Variants in CD200 observed in about 807,000 individuals in gnomAD.
CD200 encodes the protein CD200 molecule, also known as OX-2 membrane glycoprotein.
A neutral mutation model predicts 30.9 loss-of-function variants in CD200; 15 were observed. That is an observed-to-expected ratio of 0.49 (90% CI 0.32 to 0.75). CD200 has a LOEUF of 0.75. Among genes scored for constraint, CD200 ranks in the 30% least tolerant of loss-of-function variants. CD200 has a pLI of 0.03. For missense variants in CD200, 262 were observed against 324.2 expected, an observed-to-expected ratio of 0.81 and a Z score of 1.47; for synonymous variants, 134 against 126.2, an observed-to-expected ratio of 1.06 and a Z score of -0.41.
intron 5 of CD200, among the ~76,000 whole-genome samples, chr3:112,360,450 G>GA (rs1382216125): frequency 6.6e-6 from 1 of 151,928 alleles, no homozygotes; most frequent in African/African-American, 2.4e-5. Context: ...ACATAACTGA[G>GA]AAAAAATGCT....
intron 5 of CD200, among the ~76,000 whole-genome samples, chr3:112,357,778 CAG>C (rs1352110064): frequency 3.9e-5 from 6 of 152,138 alleles, no homozygotes; most frequent in African/African-American, 1.4e-4. Context: ...CGGCATGTAA[CAG>C]AACCAATTTT....
At chr3:112,335,995 A>G (rs201908678) in intron 1 of CD200, 1 of 1,612,000 alleles carries the variant, frequency 6.2e-7, no homozygotes, top group East Asian at 2.2e-5. Context: ...CTCCTAGGAA[A>G]GACCACCATC....
intron 1 of CD200, among the ~76,000 whole-genome samples, chr3:112,340,273 A>G (rs1376655642): frequency 6.6e-6 from 1 of 152,160 alleles, no homozygotes; most frequent in African/African-American, 2.4e-5. Flanking sequence ...CATTTTATAG[A>G]AGGATGATGC....
intron 4 of CD200, among the ~76,000 whole-genome samples, chr3:112,348,393 T>C (rs2081452408): frequency 6.6e-6 from 1 of 152,234 alleles, no homozygotes; most frequent in South Asian, 2.1e-4. Context: ...TGAAGTGCTT[T>C]CGTCACCCAT....
intron 4 of CD200, 23 bp from the exon 5 acceptor site, chr3:112,349,689 T>G: frequency 6.3e-7 from 1 of 1,589,308 alleles, no homozygotes; most frequent in Non-Finnish European, 8.5e-7. Context: ...TCATTTTCCT[T>G]TTTCTTTCTT....
rs1035954289 is a variant in CD200, at chr3:112,362,006, TGAAA to T, written c.*459_*462del. 6.2e-6 allele frequency: 1 copy of T among 160,630 alleles called. No individual in the cohort carries two copies. The highest frequency in any genetic ancestry group is 6.2e-5 in the Admixed American group (1 of 16,012). 10.0% of individuals were successfully genotyped at this position (160,630 alleles called of 1,614,324 possible). A position where few individuals can be genotyped will look rare whatever the true frequency, so the allele number is the denominator to read the frequency against. ...AGGGAATAAGCAAAGGGGGAAGAAT[TGAAA>T]GAGAGAGAGAAGAAAGAATACAGAG... On this transcript the variant is annotated 3_prime_UTR_variant, in exon 6 of 6. Coordinates refer to ENST00000315711, the MANE Select transcript of CD200 (RefSeq NM_005944.7).
chr3:112,339,695 G>A (rs1053256774), intron 1 of CD200, among the ~76,000 whole-genome samples: 2 of 152,220 alleles, frequency 1.3e-5, no homozygotes, highest in South Asian at 4.1e-4. Flanking sequence ...TTGATACACA[G>A]GAATTTAGGC....
intron 5 of CD200, among the ~76,000 whole-genome samples, chr3:112,353,800 C>CT (rs2081579843): frequency 6.6e-6 from 1 of 152,128 alleles, no homozygotes; most frequent in South Asian, 2.1e-4. Context: ...AAATAAGAAC[C>CT]TTTGCTTTGC....
intron 1 of CD200, among the ~76,000 whole-genome samples, chr3:112,334,686 AACATATAAAT>A (rs2081073356): frequency 6.6e-6 from 1 of 152,202 alleles, no homozygotes; most frequent in South Asian, 2.1e-4. Context: ...CCTCCCTGTA[AACATATAAAT>A]ACTGTTGTTT....
rs765555704 is a variant in CD200, at chr3:112,349,806, G to A, written c.789G>A (p.Arg263=). The change falls in exon 5 of 6, where the codon CGG becomes CGA. Residue 263 remains arginine (R), a synonymous_variant. Transcript: ENST00000315711. ...ISILLYWKRH[R]NQDREP ...TCTTACTGTACTGGAAACGTCACCG[G>A]AATCAGGACCGAGGTGAGTTGTCAC... The A allele has an allele frequency of 4.3e-6, 7 of 1,609,224 alleles. No homozygotes were observed. The South Asian group carries it at 7.8e-5, about 18-fold the overall frequency.
Position 112,347,701 on chromosome 3 carries a change from C to A in CD200, c.565C>A (p.Pro189Thr), listed in dbSNP as rs772898326. The part of the protein sequence containing the change: ...IENSTVTLSH[P>T]NGTTSVTSIL... ...AAATAGTACAGTGACTCTGTCTCAC[C>A]CAAATGGGACCACGTCTGTTACCAG... is the stretch of plus-strand genomic sequence containing the variant. Residue 189 changes from proline to threonine, a missense_variant, in exon 4 of 6, where the codon CCA becomes ACA. Transcript: ENST00000315711. The A allele has an allele frequency of 1.2e-6, 2 of 1,613,876 alleles. No individual in the cohort carries two copies. Among genetic ancestry groups the A allele is most frequent in the East Asian group, 4.5e-5 (2 of 44,890 alleles).
chr3:112,355,040 C>A lies in CD200; in HGVS notation c.802+5221C>A, dbSNP rs146909259. Among the ~76,000 whole-genome samples, 109 of 152,294 alleles carry A rather than the reference C, an allele frequency of 7.2e-4. 1 individual carries two copies. In the East Asian group the frequency reaches 0.018, roughly 25 times the overall value. On this transcript the variant is annotated intron_variant, in intron 5 of 5. Transcript: ENST00000315711. ...TTAATTTAATCACATCAGCAAAATT[C>A]CTTTAGCCATGTAAAGTAACATATT...
chr3:112,339,643 T>C (rs1291389929), intron 1 of CD200, among the ~76,000 whole-genome samples: 1 of 152,220 alleles, frequency 6.6e-6, no homozygotes, highest in African/African-American at 2.4e-5. Flanking sequence ...GGAAGCAGCA[T>C]GCTTGTCCAT....
At chr3:112,334,252 A>C in intron 1 of CD200, 2 of 985,452 alleles carry the variant, frequency 2.0e-6, no homozygotes, top group Non-Finnish European at 2.4e-6. Flanking sequence ...AAACTTGCTG[A>C]GGAAGAGGCA....
At chr3:112,355,216 C>T (rs2081603597) in intron 5 of CD200, among the ~76,000 whole-genome samples, 1 of 152,122 alleles carries the variant, frequency 6.6e-6, no homozygotes, top group Admixed American at 6.6e-5. Context: ...AATTCCATAG[C>T]CTTTGCTCTG....
chr3:112,357,271 A>AAAAG (rs566639470), intron 5 of CD200, among the ~76,000 whole-genome samples: 23,780 of 138,652 alleles, frequency 0.17, 2,624 homozygotes, highest in East Asian at 0.45. Context: ...AAAAAAAAAA[A>AAAAG]AAAGAAAGAA....
At chr3:112,338,212 C>T (rs1248970715) in intron 1 of CD200, among the ~76,000 whole-genome samples, 2 of 152,096 alleles carry the variant, frequency 1.3e-5, no homozygotes, top group African/African-American at 4.8e-5. Context: ...AAGGAACAGA[C>T]ACTTCACATG....
intron 1 of CD200, among the ~76,000 whole-genome samples, chr3:112,337,365 G>A (rs1426545807): frequency 6.6e-6 from 1 of 152,146 alleles, no homozygotes; most frequent in African/African-American, 2.4e-5. Flanking sequence ...ATAAATACAA[G>A]TGAGGGGGAA....
chr3:112,355,573 T>C (rs1297407743), intron 5 of CD200, among the ~76,000 whole-genome samples: 2 of 152,202 alleles, frequency 1.3e-5, no homozygotes, highest in African/African-American at 4.8e-5. Flanking sequence ...GTGGTGATAG[T>C]AGGCATAACC....
Sources: gnomAD v4.1 joint callset for allele counts (sites outside exome capture counted in the v4.1 genomes callset) on GRCh38, gnomAD v4.1.1 for gene constraint, MANE v1.5 for transcripts, NCBI Gene and HGNC (gene_info 2026-07-23, HGNC 2026-07-21) for gene names.